Variants in ADK observed in about 807,000 individuals in gnomAD.
The protein encoded by ADK is N6,N6-dimethyladenosine kinase.
A neutral mutation model predicts 44.7 loss-of-function variants in ADK; 24 were observed. That is an observed-to-expected ratio of 0.54 (90% confidence interval 0.39 to 0.76). ADK has a LOEUF of 0.76. Ranked by LOEUF, ADK falls within the 30% of genes least tolerant of loss-of-function variation. The probability of loss-of-function intolerance (pLI) is 0.00; values close to 1 mark genes in which losing one functional copy is unlikely to be tolerated. For synonymous variants in ADK, 128 were observed against 142.6 expected (o/e 0.90, Z 0.73); for missense variants, 321 against 425.1 (o/e 0.76, Z 2.15).
chr10:74,555,637 C>T (rs542373595), intron 7 of ADK, among the ~76,000 whole-genome samples: 1 of 151,210 alleles, frequency 6.6e-6, no homozygotes, highest in Admixed American at 6.6e-5. Context: ...ATCTAAGTGG[C>T]TTCATACAGA....
chr10:74,652,939 G>A (rs1229357202), intron 9 of ADK, among the ~76,000 whole-genome samples: 2 of 152,080 alleles, frequency 1.3e-5, no homozygotes, highest in Admixed American at 1.3e-4. Flanking sequence ...ATGGTGAGTT[G>A]GAAAGAGAAA....
intron 6 of ADK, among the ~76,000 whole-genome samples, chr10:74,507,308 C>CT (rs1397327950): frequency 1.3e-5 from 2 of 152,044 alleles, no homozygotes; most frequent in African/African-American, 4.8e-5. Context: ...TCTTTTTTCT[C>CT]TTTTTTTCAA....
chr10:74,315,924 A>G (rs1372967150), intron 4 of ADK, among the ~76,000 whole-genome samples: 2 of 152,062 alleles, frequency 1.3e-5, no homozygotes, highest in African/African-American at 4.8e-5. Flanking sequence ...CACTTTATGA[A>G]CTTCCAGAGT....
Position 74,270,666 on chromosome 10 carries a change from A to C in ADK, c.195-44001A>C, listed in dbSNP as rs2132407043. On this transcript the variant is annotated intron_variant, in intron 3 of 10. Coordinates refer to ENST00000539909, the MANE Select transcript of ADK (RefSeq NM_006721.4). The stretch of plus-strand genomic sequence containing the variant: ...ACTGCTGGCCTTAGCAATTGAACGT[A>C]AGTACAGTAGGAGACATTGGTAGAA... Among the ~76,000 whole-genome samples, 2 of 152,358 alleles carry C rather than the reference A, an allele frequency of 1.3e-5. 1 individual carries two copies. The highest frequency in any genetic ancestry group is 4.1e-4 in the South Asian group (2 of 4,830).
At chr10:74,586,869 A>T (rs1409662489) in intron 7 of ADK, among the ~76,000 whole-genome samples, 3 of 143,616 alleles carry the variant, frequency 2.1e-5, no homozygotes, top group East Asian at 1.9e-4. Flanking sequence ...AAAAAAAAAA[A>T]TATATATGTA....
intron 9 of ADK, among the ~76,000 whole-genome samples, chr10:74,626,772 C>G (rs944819542): frequency 2.0e-5 from 3 of 152,146 alleles, no homozygotes; most frequent in African/African-American, 7.2e-5. Flanking sequence ...GTTTAAATAT[C>G]TAGAGGGTAT....
At chr10:74,626,023 A>T (rs1026337821) in intron 9 of ADK, among the ~76,000 whole-genome samples, 3 of 152,236 alleles carry the variant, frequency 2.0e-5, no homozygotes, top group African/African-American at 7.2e-5. Context: ...TAAATCAACT[A>T]GTGTAGTTGA....
chr10:74,205,978 TA>T (rs1843582187), intron 2 of ADK, among the ~76,000 whole-genome samples: 4 of 152,190 alleles, frequency 2.6e-5, no homozygotes, highest in African/African-American at 9.6e-5. Flanking sequence ...ATGTCAGTTA[TA>T]TATCAAAGGC....
intron 10 of ADK, among the ~76,000 whole-genome samples, chr10:74,685,984 T>TCAC (rs1240227184): frequency 1.3e-5 from 2 of 151,912 alleles, no homozygotes; most frequent in African/African-American, 4.8e-5. Context: ...TTTTTTGAGG[T>TCAC]GGTGTCTCGC....
At chr10:74,587,103 T>A (rs1851555811) in intron 7 of ADK, among the ~76,000 whole-genome samples, 1 of 152,180 alleles carries the variant, frequency 6.6e-6, no homozygotes, top group Non-Finnish European at 1.5e-5. Context: ...TCTGATGAAG[T>A]TCCATATAAA....
chr10:74,242,581 A>G (rs1845257038), intron 3 of ADK, among the ~76,000 whole-genome samples: 1 of 148,726 alleles, frequency 6.7e-6, no homozygotes, highest in Non-Finnish European at 1.5e-5. Context: ...ATTATAGGCA[A>G]ATAGGGGTGG....
chr10:74,166,167 C>T (rs1038752601), intron 1 of ADK, among the ~76,000 whole-genome samples: 4 of 152,130 alleles, frequency 2.6e-5, no homozygotes, highest in Non-Finnish European at 5.9e-5. Context: ...CTTGAAGTTC[C>T]AACCTTAGGT....
At chr10:74,412,832 A>G (rs534439665) in intron 6 of ADK, among the ~76,000 whole-genome samples, 72 of 152,208 alleles carry the variant, frequency 4.7e-4, no homozygotes, top group Non-Finnish European at 8.7e-4. Flanking sequence ...CCAAGGCGGG[A>G]GGATCACCTG....
At chr10:74,235,128 C>CTTTT (rs35193175) in intron 3 of ADK, among the ~76,000 whole-genome samples, 18 of 130,118 alleles carry the variant, frequency 1.4e-4, no homozygotes, top group African/African-American at 4.2e-4. Flanking sequence ...GAAATTATCC[C>CTTTT]TTTTTTTTTT....
chr10:74,584,478 C>A (rs909253465), intron 7 of ADK, among the ~76,000 whole-genome samples: 12 of 152,036 alleles, frequency 7.9e-5, no homozygotes, highest in Admixed American at 7.9e-4. Flanking sequence ...ATAATTGCTT[C>A]CTACCAGTAC....
chr10:74,364,576 T>G (rs2131953553), intron 4 of ADK, among the ~76,000 whole-genome samples: 1 of 152,232 alleles, frequency 6.6e-6, no homozygotes, highest in African/African-American at 2.4e-5. Flanking sequence ...TTCCCTCAGG[T>G]TTTTCTTCTT....
chr10:74,699,107 G>A (rs532301439), intron 10 of ADK, among the ~76,000 whole-genome samples: 4 of 143,646 alleles, frequency 2.8e-5, no homozygotes, highest in South Asian at 4.4e-4. Flanking sequence ...GCCTCCCAAA[G>A]TGCTCAGATT....
At chr10:74,398,310 C>G (rs1399326611) in intron 5 of ADK, among the ~76,000 whole-genome samples, 161 bp from the exon 6 acceptor site, 2 of 151,720 alleles carry the variant, frequency 1.3e-5, no homozygotes, top group African/African-American at 4.8e-5. Flanking sequence ...GTTCTCAAAA[C>G]AAAATTATTA....
chr10:74,594,616 TCTAA>T (rs1461408554), intron 8 of ADK, among the ~76,000 whole-genome samples: 1 of 149,458 alleles, frequency 6.7e-6, no homozygotes, highest in Non-Finnish European at 1.5e-5. Flanking sequence ...AAAACTGAGG[TCTAA>T]CTATATGCTG....
Sources: allele counts gnomAD v4.1 joint callset (sites outside exome capture counted in the v4.1 genomes callset), GRCh38; gene constraint gnomAD v4.1.1; transcripts MANE v1.5; gene names NCBI Gene and HGNC (gene_info 2026-07-23, HGNC 2026-07-21).